STAB2: variants seen among roughly 807,000 people sequenced by gnomAD.
The protein encoded by STAB2 is stabilin 2.
Under a neutral mutation model 338.1 loss-of-function variants are expected in STAB2, and 288 were observed. That is an observed-to-expected ratio of 0.85 (90% CI 0.77 to 0.94). The LOEUF is 0.94. Among genes scored for constraint, STAB2 ranks in the 40% least tolerant of loss-of-function variants. The probability of loss-of-function intolerance (pLI) is 0.00; values close to 1 mark genes in which losing one functional copy is unlikely to be tolerated. For synonymous variants in STAB2, 1,202 were observed against 1,193.3 expected, an observed-to-expected ratio of 1.01 and a Z score of -0.15; for missense variants, 3,141 against 3,210.1, an observed-to-expected ratio of 0.98 and a Z score of 0.52.
chr12:103,749,325 T>C (rs557318455), intron 59 of STAB2, among the ~76,000 whole-genome samples, 169 bp downstream of exon 59: 14 of 152,292 alleles, frequency 9.2e-5, no homozygotes, highest in African/African-American at 2.6e-4. Context: ...GGTAGTCCCC[T>C]AGGCAGAAAA....
chr12:103,645,051 G>A (rs1430122927), intron 9 of STAB2, among the ~76,000 whole-genome samples: 1 of 152,156 alleles, frequency 6.6e-6, no homozygotes, highest in African/African-American at 2.4e-5. Context: ...AACCAGTGAA[G>A]AAATAAAGGA....
chr12:103,758,122 C>T, intron 63 of STAB2, 48 bp from the exon 64 acceptor site: 2 of 1,611,936 alleles, frequency 1.2e-6, no homozygotes, highest in Non-Finnish European at 1.7e-6. Context: ...CACCCAGGTC[C>T]CTGCACACCA....
At position 103,733,045 on chromosome 12, in the gene STAB2, A is replaced by AC; in HGVS notation, c.5327dup (p.Val1777SerfsTer17). On this transcript the variant is annotated frameshift_variant, in exon 51 of 69. Transcript: ENST00000388887. LOFTEE classifies it high-confidence loss of function. ...GAGTGTCATCACCGATCCCATCCAC[A>AC]CCCCAGTCACTCTCTTCTGGCCCAC... 1 of 1,613,728 alleles carries AC rather than the reference A, an allele frequency of 6.2e-7. No homozygotes were observed. Among genetic ancestry groups the AC allele is most frequent in the Non-Finnish European group, 8.5e-7 (1 of 1,179,920 alleles).
At position 103,742,336 on chromosome 12, in the gene STAB2, A is replaced by G. The variant is rs1440943708; in HGVS notation, c.5882-69A>G. The G allele has an allele frequency of 4.5e-6, 7 of 1,563,316 alleles. No individual in the cohort carries two copies. The East Asian group carries it at 1.1e-4, about 25-fold the overall frequency. On this transcript the variant is annotated intron_variant, in intron 55 of 68. Coordinates refer to ENST00000388887, the MANE Select transcript of STAB2 (RefSeq NM_017564.10). ...TAACAGAAGTCAGATGCCACAGCAC[A>G]TTTACAAAGGTGCTGAGCTGCTCTG...
At position 103,637,626 on chromosome 12, in the gene STAB2, G is replaced by C. The variant is rs59883687; in HGVS notation, c.709+390G>C. Among the ~76,000 whole-genome samples the C allele has an allele frequency of 8.9e-3, 1,358 of 152,204 alleles. 23 individuals are homozygous for C. The highest frequency in any genetic ancestry group is 0.031 in the African/African-American group (1,275 of 41,532). ...CTGACTACATGACCTTTAACCTGCC[G>C]TGTCTCAGTTTTTCTGTCTATGAAA... On this transcript the variant is annotated intron_variant, in intron 7 of 68. Transcript: ENST00000388887.
intron 3 of STAB2, among the ~76,000 whole-genome samples, chr12:103,597,145 C>G (rs1253351291): frequency 2.0e-5 from 3 of 152,022 alleles, no homozygotes; most frequent in African/African-American, 7.2e-5. Context: ...CTAGATGTCT[C>G]GAAAGGCTTC....
At chr12:103,708,911 A>G (rs1165888133) in intron 39 of STAB2, among the ~76,000 whole-genome samples, 1 of 152,198 alleles carries the variant, frequency 6.6e-6, no homozygotes, top group African/African-American at 2.4e-5. Flanking sequence ...TGTAATCTCC[A>G]CAAAATGTTA....
chr12:103,660,892 T>G (rs375912745), intron 17 of STAB2, 129 bp downstream of exon 17: 68 of 1,014,138 alleles, frequency 6.7e-5, no homozygotes, highest in East Asian at 6.6e-4. Flanking sequence ...TTCATTCATT[T>G]GCTCACTTCT....
At chr12:103,711,645 G>A in intron 40 of STAB2, 129 bp downstream of exon 40, 1 of 1,065,754 alleles carries the variant, frequency 9.4e-7, no homozygotes, top group South Asian at 1.5e-5. Context: ...ATAAACTTGA[G>A]TATGAAACTA....
At chr12:103,692,571 T>C (rs1174306054) in intron 30 of STAB2, among the ~76,000 whole-genome samples, 2 of 151,958 alleles carry the variant, frequency 1.3e-5, no homozygotes, top group Non-Finnish European at 2.9e-5. Flanking sequence ...CTTTCTCTTT[T>C]TCTTTCTCTC....
At chr12:103,756,996 A>AAAAAAAATATATAT in intron 63 of STAB2, among the ~76,000 whole-genome samples, 1 of 56,358 alleles carries the variant, frequency 1.8e-5, no homozygotes, top group African/African-American at 1.0e-4. Flanking sequence ...AAGGAGGGAA[A>AAAAAAAATATATAT]ATATATATAT....
chr12:103,664,217 C>T (rs1874877137), intron 18 of STAB2, among the ~76,000 whole-genome samples: 2 of 152,168 alleles, frequency 1.3e-5, no homozygotes. Context: ...GATCTCTGCT[C>T]ACTGCAAGCT....
chr12:103,622,025 C>A lies in STAB2; in HGVS notation c.418-17C>A. The stretch of plus-strand genomic sequence containing the variant: ...GTCACCTTGGGTCTAATGTCAACCA[C>A]CTGGGGTGTTTTGCAGGAAGGGTTT... On this transcript the variant is annotated splice_polypyrimidine_tract_variant and intron_variant, in intron 4 of 68. Coordinates refer to ENST00000388887, the MANE Select transcript of STAB2 (RefSeq NM_017564.10). The A allele has an allele frequency of 6.2e-7, 1 of 1,614,078 alleles. No homozygotes were observed. Among genetic ancestry groups the A allele is most frequent in the Non-Finnish European group, 8.5e-7 (1 of 1,179,952 alleles).
At chr12:103,592,566 C>T (rs1029646520) in intron 2 of STAB2, among the ~76,000 whole-genome samples, 3 of 152,154 alleles carry the variant, frequency 2.0e-5, no homozygotes, top group South Asian at 2.1e-4. Flanking sequence ...ATATTACTGA[C>T]ATACAAAAAC....
intron 52 of STAB2, among the ~76,000 whole-genome samples, chr12:103,736,760 C>A (rs140401427): frequency 3.2e-4 from 48 of 152,212 alleles, no homozygotes; most frequent in African/African-American, 6.3e-4. Context: ...AGTGAACACG[C>A]AAGGCTTTAA....
chr12:103,726,335 A>C (rs1468735647), intron 46 of STAB2, among the ~76,000 whole-genome samples, 172 bp downstream of exon 46: 1 of 152,200 alleles, frequency 6.6e-6, no homozygotes, highest in Non-Finnish European at 1.5e-5. Context: ...TTAAAAATAC[A>C]AAAAAGATTA....
chr12:103,743,598 C>T (rs960422709), intron 56 of STAB2, among the ~76,000 whole-genome samples: 1 of 152,168 alleles, frequency 6.6e-6, no homozygotes, highest in Non-Finnish European at 1.5e-5. Flanking sequence ...GGGAAAGACT[C>T]CATGACTCCA....
At chr12:103,733,741 G>A (rs1274629111) in intron 51 of STAB2, among the ~76,000 whole-genome samples, 1 of 151,910 alleles carries the variant, frequency 6.6e-6, no homozygotes, top group African/African-American at 2.4e-5. Context: ...ATAGGAATAA[G>A]CATGATCATA....
chr12:103,709,419 C>T (rs1879651437), intron 39 of STAB2, among the ~76,000 whole-genome samples: 1 of 152,170 alleles, frequency 6.6e-6, no homozygotes, highest in Non-Finnish European at 1.5e-5. Context: ...GAGTTTTCAA[C>T]AAGGGAGCAA....
Sources: gnomAD v4.1 joint callset for allele counts (sites outside exome capture counted in the v4.1 genomes callset) on GRCh38, gnomAD v4.1.1 for gene constraint, MANE v1.5 for transcripts, NCBI Gene and HGNC (gene_info 2026-07-23, HGNC 2026-07-21) for gene names.